Variants in NELL1 observed in about 807,000 individuals in gnomAD.
The protein encoded by NELL1 is protein kinase C-binding protein NELL1.
A neutral mutation model predicts 107.4 loss-of-function variants in NELL1; 76 were observed. That is an observed-to-expected ratio of 0.71 (90% confidence interval 0.59 to 0.86). The LOEUF (loss-of-function observed/expected upper bound fraction) is 0.86, where lower values mean the gene tolerates loss of function less well. Ranked by LOEUF, NELL1 falls within the 40% of genes least tolerant of loss-of-function variation. The pLI, the probability that NELL1 is intolerant of heterozygous loss-of-function variation, is 0.00. For missense variants in NELL1, 1,024 were observed against 1,005.5 expected (o/e 1.02, Z -0.25); for synonymous variants, 353 against 341.2 (o/e 1.03, Z -0.38).
At chr11:20,955,526 G>C in intron 11 of NELL1, among the ~76,000 whole-genome samples, 1 of 152,068 alleles carries the variant, frequency 6.6e-6, no homozygotes. Context: ...TTGAAGTTGA[G>C]GATAACAGCA....
intron 15 of NELL1, among the ~76,000 whole-genome samples, chr11:21,490,386 T>C (rs1854769660): frequency 6.7e-6 from 1 of 148,348 alleles, no homozygotes; most frequent in Non-Finnish European, 1.5e-5. Flanking sequence ...CAGATTCAAT[T>C]CAATCCCTAT....
At chr11:20,703,350 C>T (rs536082720) in intron 2 of NELL1, among the ~76,000 whole-genome samples, 1 of 152,024 alleles carries the variant, frequency 6.6e-6, no homozygotes, top group Admixed American at 6.5e-5. Context: ...GGTGATATCC[C>T]CTTTATCATT....
chr11:21,370,035 G>A (rs138039389), intron 14 of NELL1, among the ~76,000 whole-genome samples: 24 of 152,066 alleles, frequency 1.6e-4, no homozygotes, highest in Admixed American at 1.6e-3. Flanking sequence ...ATAAAGCAGG[G>A]GATGGTAATA....
At chr11:21,147,310 CTCTG>C (rs897694531) in intron 13 of NELL1, among the ~76,000 whole-genome samples, 2 of 152,128 alleles carry the variant, frequency 1.3e-5, no homozygotes, top group African/African-American at 4.8e-5. Flanking sequence ...TTTTGAATCT[CTCTG>C]TGGGAGATGT....
At position 21,185,293 on chromosome 11, in the gene NELL1, CTT is replaced by C. The variant is rs11446941; in HGVS notation, c.1427-44021_1427-44020del. ...ACATACTTGTATTTAATTCCAGTATCTTTTTTTTTTTTTTTTTTTGAGGTGAA... is the reference window on the plus strand; with the variant it reads ...ACATACTTGTATTTAATTCCAGTATCTTTTTTTTTTTTTTTTTGAGGTGAA... On this transcript the variant is annotated intron_variant, in intron 13 of 19. Transcript: ENST00000357134. Among the ~76,000 whole-genome samples, 499 of 118,474 alleles carry C rather than the reference CTT, an allele frequency of 4.2e-3. 9 individuals carry two copies. Among genetic ancestry groups the C allele is most frequent in the African/African-American group, 0.015 (472 of 30,922 alleles). The allele number at this position is 118,474 out of a possible 152,430, so 77.7% of individuals were successfully genotyped here.
intron 12 of NELL1, among the ~76,000 whole-genome samples, chr11:21,043,995 A>G (rs1853298854): frequency 6.6e-6 from 1 of 152,202 alleles, no homozygotes; most frequent in East Asian, 1.9e-4. Context: ...GTTCAAAGAT[A>G]TCTGCTACTG....
At chr11:20,785,021 C>T (rs1260601642) in intron 3 of NELL1, among the ~76,000 whole-genome samples, 1 of 152,168 alleles carries the variant, frequency 6.6e-6, no homozygotes, top group South Asian at 2.1e-4. Flanking sequence ...GAAGACCATA[C>T]AGAGAGAGTG....
Position 20,669,739 on chromosome 11 carries a change from AT to A in NELL1, c.20del (p.Leu7Ter). ...CTCGAGAGCGATGCCGATGGATTTG[AT>A]TTTAGTTGTGTGGTTCTGTGTGTGC... is the stretch of plus-strand genomic sequence containing the variant. MPMDL[I>X]LVVWFCVCTA... is the part of the protein sequence containing the mutation. On this transcript the variant is annotated frameshift_variant, in exon 1 of 20. Transcript: ENST00000357134. LOFTEE classifies it high-confidence loss of function. This position sits in a 1 kb window ranked among gnomAD's most constrained non-coding sequence, Gnocchi z 4.4. 6.2e-7 allele frequency: 1 copy of A among 1,613,288 alleles called. No individual in the cohort carries two copies. Among genetic ancestry groups the A allele is most frequent in the Non-Finnish European group, 8.5e-7 (1 of 1,179,624 alleles).
intron 5 of NELL1, among the ~76,000 whole-genome samples, chr11:20,901,446 T>G (rs757522617): frequency 1.3e-5 from 2 of 152,062 alleles, no homozygotes; most frequent in East Asian, 3.9e-4. Flanking sequence ...ACTGAAGACC[T>G]AACTGGGGAG....
intron 14 of NELL1, among the ~76,000 whole-genome samples, chr11:21,282,531 C>T (rs1400560386): frequency 3.3e-5 from 5 of 150,800 alleles, no homozygotes; most frequent in African/African-American, 4.9e-5. Flanking sequence ...AATAAGATGC[C>T]GGCAAGGGTG....
chr11:20,778,737 A>G (rs1038465770), intron 2 of NELL1, among the ~76,000 whole-genome samples: 1 of 152,070 alleles, frequency 6.6e-6, no homozygotes, highest in African/African-American at 2.4e-5. Context: ...GTGCGAAACT[A>G]CCTTTATGCA....
chr11:20,766,357 T>A (rs1856528445), intron 2 of NELL1, among the ~76,000 whole-genome samples: 1 of 152,224 alleles, frequency 6.6e-6, no homozygotes, highest in Non-Finnish European at 1.5e-5. Context: ...AAGGTCCTCA[T>A]CTGACTGGGC....
At chr11:21,561,724 C>T (rs761522582) in intron 17 of NELL1, among the ~76,000 whole-genome samples, 23 of 151,990 alleles carry the variant, frequency 1.5e-4, no homozygotes, top group Admixed American at 9.2e-4. Context: ...TGACTGAGCT[C>T]AGACTTTCAA....
At chr11:21,181,244 G>T (rs1445238489) in intron 13 of NELL1, among the ~76,000 whole-genome samples, 1 of 151,820 alleles carries the variant, frequency 6.6e-6, no homozygotes, top group East Asian at 1.9e-4. Flanking sequence ...AAATATTCAG[G>T]TTTAGGTTGA....
chr11:21,432,162 T>C (rs573366203), intron 15 of NELL1, among the ~76,000 whole-genome samples: 1 of 152,292 alleles, frequency 6.6e-6, no homozygotes, highest in African/African-American at 2.4e-5. Flanking sequence ...ATTCCTTTTT[T>C]TTTCTGTGTA....
At chr11:21,005,078 C>T (rs1006528990) in intron 12 of NELL1, among the ~76,000 whole-genome samples, 1 of 152,080 alleles carries the variant, frequency 6.6e-6, no homozygotes, top group Non-Finnish European at 1.5e-5. Flanking sequence ...AGCTATAGCC[C>T]TGAAAAGGGA....
intron 14 of NELL1, among the ~76,000 whole-genome samples, chr11:21,317,478 G>A (rs112702263): frequency 0.28 from 545 of 1,938 alleles, 3 homozygotes; most frequent in African/African-American, 0.41. Flanking sequence ...GGATTGGTGA[G>A]AGTTTCTGCC....
chr11:20,919,229 T>C (rs1429785), intron 6 of NELL1, 23 bp from the exon 7 acceptor site: 92,547 of 1,334,368 alleles, frequency 0.069, 3,697 homozygotes, highest in African/African-American at 0.17. Flanking sequence ...TAAATATATA[T>C]GTTTTATATT....
intron 14 of NELL1, among the ~76,000 whole-genome samples, chr11:21,272,812 G>A (rs1306250139): frequency 6.6e-6 from 1 of 152,210 alleles, no homozygotes; most frequent in Non-Finnish European, 1.5e-5. Flanking sequence ...GGGACCTCCA[G>A]CAAACTCCAA....
Sources: allele counts gnomAD v4.1 joint callset (sites outside exome capture counted in the v4.1 genomes callset), GRCh38; gene constraint gnomAD v4.1.1; non-coding constraint Gnocchi (gnomAD v3.1); transcripts MANE v1.5; gene names NCBI Gene and HGNC (gene_info 2026-07-23, HGNC 2026-07-21).